SAMD12: variants seen among roughly 807,000 people sequenced by gnomAD.
SAMD12 encodes sterile alpha motif domain containing 12.
SAMD12 carries 9 observed loss-of-function variants against 15.0 expected under a neutral mutation model. That is an observed-to-expected ratio of 0.60 (90% CI 0.36 to 1.05). The LOEUF is 1.05. Among genes scored for constraint, SAMD12 ranks in the 50% least tolerant of loss-of-function variants. The pLI, the probability that SAMD12 is intolerant of heterozygous loss-of-function variation, is 0.01. For missense variants in SAMD12, 230 were observed against 234.2 expected, an observed-to-expected ratio of 0.98 and a Z score of 0.12; for synonymous variants, 86 against 90.1, an observed-to-expected ratio of 0.96 and a Z score of 0.25.
chr8:118,573,391 CTCTTT>C (rs1324646508), intron 2 of SAMD12, among the ~76,000 whole-genome samples: 1 of 152,242 alleles, frequency 6.6e-6, no homozygotes, highest in Non-Finnish European at 1.5e-5. Flanking sequence ...CAGCCTAAAC[CTCTTT>C]TCTTTATAAA....
chr8:118,402,637 C>T (rs187977238), intron 3 of SAMD12, among the ~76,000 whole-genome samples: 65 of 152,266 alleles, frequency 4.3e-4, no homozygotes, highest in African/African-American at 1.5e-3. Flanking sequence ...CCTTGTTTTC[C>T]TTCTAGTTAA....
At chr8:118,194,011 A>T (rs1311547294) in exon 5 of SAMD12, 4 of 152,194 alleles carry the variant, frequency 2.6e-5, no homozygotes, top group Non-Finnish European at 5.9e-5. Flanking sequence ...GGTGAAAGTA[A>T]AGTGCTAAGG....
chr8:118,267,786 GT>G (rs1813242678), intron 4 of SAMD12, among the ~76,000 whole-genome samples: 5 of 151,558 alleles, frequency 3.3e-5, no homozygotes, highest in Admixed American at 2.0e-4. Context: ...TCTCTACAAG[GT>G]TTGCTATAAA....
At chr8:118,498,389 T>C (rs546274083) in intron 2 of SAMD12, among the ~76,000 whole-genome samples, 1 of 152,356 alleles carries the variant, frequency 6.6e-6, no homozygotes, top group East Asian at 1.9e-4. Context: ...ATATATTTTA[T>C]TTAAGATCTG....
chr8:118,359,027 A>G (rs76708127), intron 4 of SAMD12, among the ~76,000 whole-genome samples: 3,880 of 148,796 alleles, frequency 0.026, 144 homozygotes, highest in African/African-American at 0.087. Context: ...GTGTGTGTGT[A>G]TATATATATA....
intron 4 of SAMD12, among the ~76,000 whole-genome samples, chr8:118,250,900 A>G (rs1812805455): frequency 6.6e-6 from 1 of 152,070 alleles, no homozygotes; most frequent in Non-Finnish European, 1.5e-5. Flanking sequence ...AGTCAAAGAG[A>G]GTCTGTCCTA....
chr8:118,460,642 T>C (rs1282546364), intron 2 of SAMD12, among the ~76,000 whole-genome samples: 1 of 151,686 alleles, frequency 6.6e-6, no homozygotes, highest in African/African-American at 2.4e-5. Context: ...AATCACAAAA[T>C]GGAGAGAGTT....
intron 4 of SAMD12, among the ~76,000 whole-genome samples, chr8:118,330,878 G>A (rs72675881): frequency 0.092 from 14,034 of 152,010 alleles, 842 homozygotes; most frequent in Non-Finnish European, 0.12. Flanking sequence ...CACTATTTGG[G>A]GGACAAGTAT....
At chr8:118,196,728 G>T (rs574036784) in exon 5 of SAMD12, 1 of 152,248 alleles carries the variant, frequency 6.6e-6, no homozygotes, top group East Asian at 1.9e-4. Flanking sequence ...CCACACAAAA[G>T]AATTGCATTC....
intron 1 of SAMD12, among the ~76,000 whole-genome samples, chr8:118,595,822 G>C (rs971673362): frequency 6.6e-6 from 1 of 152,144 alleles, no homozygotes; most frequent in Non-Finnish European, 1.5e-5. Context: ...CAGTAAGATT[G>C]TCAGAAGTAC....
chr8:118,399,368 C>T (rs1308469043), intron 3 of SAMD12, among the ~76,000 whole-genome samples: 2 of 152,078 alleles, frequency 1.3e-5, no homozygotes, highest in Non-Finnish European at 2.9e-5. Flanking sequence ...CACTTAGATC[C>T]TCCTTAAGGA....
At chr8:118,266,894 A>G (rs1374331324) in intron 4 of SAMD12, among the ~76,000 whole-genome samples, 1 of 152,142 alleles carries the variant, frequency 6.6e-6, no homozygotes, top group Non-Finnish European at 1.5e-5. Context: ...AACAGGAGAA[A>G]TAAATCTAAG....
intron 4 of SAMD12, among the ~76,000 whole-genome samples, chr8:118,263,149 A>C (rs1813118099): frequency 6.6e-6 from 1 of 152,062 alleles, no homozygotes; most frequent in East Asian, 1.9e-4. Flanking sequence ...GTTTGGGTGA[A>C]ATGCCCTTTC....
intron 4 of SAMD12, chr8:118,285,037 C>G (rs929755225): frequency 1.3e-5 from 2 of 151,712 alleles, no homozygotes; most frequent in African/African-American, 2.4e-5. Context: ...ATGACCCGGC[C>G]GAAGTTCCCT....
intron 4 of SAMD12, among the ~76,000 whole-genome samples, chr8:118,301,752 T>C (rs992426115): frequency 7.2e-5 from 11 of 152,226 alleles, no homozygotes; most frequent in Non-Finnish European, 1.2e-4. Flanking sequence ...TATGGATGAA[T>C]ACAGAATAAA....
At chr8:118,579,351 T>A (rs936724260) in intron 2 of SAMD12, among the ~76,000 whole-genome samples, 7 of 152,176 alleles carry the variant, frequency 4.6e-5, no homozygotes, top group African/African-American at 9.7e-5. Flanking sequence ...TTAGCTTTCT[T>A]AACAGGGTTC....
chr8:118,367,641 G>C (rs781570636), intron 4 of SAMD12, among the ~76,000 whole-genome samples: 1 of 152,196 alleles, frequency 6.6e-6, no homozygotes, highest in Admixed American at 6.5e-5. Flanking sequence ...AGGTTGGTGA[G>C]TTCTGCAGGG....
chr8:118,254,295 G>T (rs1453970743), intron 4 of SAMD12, among the ~76,000 whole-genome samples: 1 of 152,136 alleles, frequency 6.6e-6, no homozygotes, highest in Non-Finnish European at 1.5e-5. Flanking sequence ...TCAGCCGGGG[G>T]TTGACAGGAG....
chr8:118,536,129 T>G (rs943192545), intron 2 of SAMD12, among the ~76,000 whole-genome samples: 9 of 152,356 alleles, frequency 5.9e-5, no homozygotes, highest in African/African-American at 2.2e-4. Context: ...TCTACTTTTC[T>G]GTTTCCATTC....
Sources: gnomAD v4.1 joint callset for allele counts (sites outside exome capture counted in the v4.1 genomes callset) on GRCh38, gnomAD v4.1.1 for gene constraint, MANE v1.5 for transcripts, NCBI Gene and HGNC (gene_info 2026-07-23, HGNC 2026-07-21) for gene names.